Variants in DMD observed in about 807,000 individuals in gnomAD.
DMD encodes the protein dystrophin.
DMD carries 63 observed loss-of-function variants against 330.1 expected under a neutral mutation model. The ratio of observed to expected loss-of-function variants is 0.19; its 90% CI spans 0.16 to 0.24. The LOEUF is 0.24. DMD is among the 10% of genes least tolerant of loss of function. The pLI, the probability that DMD is intolerant of heterozygous loss-of-function variation, is 1.00. For missense variants in DMD, 3,344 were observed against 2,684.1 expected, an observed-to-expected ratio of 1.25 and a Z score of -5.43; for synonymous variants, 1,223 against 959.8, an observed-to-expected ratio of 1.27 and a Z score of -5.07.
intron 55 of DMD, among the ~76,000 whole-genome samples, chrX:31,591,592 G>T (rs945793894): frequency 9.0e-6 from 1 of 111,363 alleles, no homozygotes; most frequent in Non-Finnish European, 1.9e-5. Context: ...TGCCAATTTA[G>T]AAATGTAATA....
At chrX:31,507,133 G>T in intron 56 of DMD, 148 bp downstream of exon 56, 2 of 577,229 alleles carry the variant, frequency 3.5e-6, no homozygotes, top group Non-Finnish European at 5.8e-6. Flanking sequence ...GCAAATAAAT[G>T]ATTCATTTAT....
At chrX:31,991,993 G>C (rs1675329782) in intron 44 of DMD, among the ~76,000 whole-genome samples, 1 of 111,753 alleles carries the variant, frequency 8.9e-6, no homozygotes, top group South Asian at 3.7e-4. Flanking sequence ...GAAAACCGAT[G>C]CATGATACAA....
intron 60 of DMD, among the ~76,000 whole-genome samples, chrX:31,352,220 T>C (rs2148520121): frequency 9.4e-6 from 1 of 106,606 alleles, no homozygotes; most frequent in Admixed American, 9.8e-5. Flanking sequence ...TACCATAAGA[T>C]TATAGAGAAA....
intron 77 of DMD, among the ~76,000 whole-genome samples, chrX:31,131,504 G>C (rs184396793): frequency 2.7e-5 from 3 of 111,525 alleles, no homozygotes; most frequent in Non-Finnish European, 5.7e-5. Flanking sequence ...GATGTAAAAT[G>C]TTCCTCTGAT....
chrX:31,454,981 T>G (rs1245598044), intron 59 of DMD, among the ~76,000 whole-genome samples: 3 of 95,133 alleles, frequency 3.2e-5, no homozygotes, highest in Non-Finnish European at 6.2e-5. Context: ...CGAGATGGGA[T>G]CTCTCTATGT....
At chrX:31,330,498 T>C (rs1176255577) in intron 61 of DMD, among the ~76,000 whole-genome samples, 1 of 110,078 alleles carries the variant, frequency 9.1e-6, no homozygotes, top group Non-Finnish European at 1.9e-5. Flanking sequence ...AAGGAGGGAG[T>C]AGACGGAGGG....
chrX:32,690,070 CA>C (rs749874858), intron 9 of DMD, among the ~76,000 whole-genome samples: 9,971 of 91,880 alleles, frequency 0.11, 1,190 homozygotes, highest in African/African-American at 0.34. Context: ...AATAATTAGG[CA>C]AAAAAAAAAA....
intron 55 of DMD, among the ~76,000 whole-genome samples, chrX:31,621,817 T>G (rs1238412800): frequency 3.6e-5 from 4 of 111,917 alleles, no homozygotes; most frequent in Non-Finnish European, 7.5e-5. Context: ...CCAGCCAAGT[T>G]CCTTCAGATT....
chrX:32,955,191 G>A (rs780213051), intron 2 of DMD, among the ~76,000 whole-genome samples: 2 of 111,391 alleles, frequency 1.8e-5, no homozygotes, highest in Admixed American at 9.5e-5. Flanking sequence ...CCCCACAACC[G>A]TGCTAGCATC....
At position 32,380,477 on chromosome X, in the gene DMD, G is replaced by A. The variant is rs1294722774; in HGVS notation, c.4845+33C>T. 2.5e-6 allele frequency: 3 copies of A among 1,184,373 alleles called. No homozygotes were observed. In the African/African-American group the frequency reaches 5.3e-5, roughly 21 times the overall value. ...AATCATATTATGTGTTTTCACGTATGTTCAAAATAACCTTCAGTGATATAG... is the reference window on the plus strand; with the variant it reads ...AATCATATTATGTGTTTTCACGTATATTCAAAATAACCTTCAGTGATATAG... On this transcript the variant is annotated intron_variant, in intron 34 of 78. Transcript: ENST00000357033.
chrX:33,309,092 A>C (rs1216307763), intron 1 of DMD, among the ~76,000 whole-genome samples: 1 of 111,593 alleles, frequency 9.0e-6, no homozygotes, highest in Non-Finnish European at 1.9e-5. Context: ...CTAACAGTAC[A>C]TAACAGAGCC....
At chrX:32,012,041 C>T (rs1210863778) in intron 44 of DMD, among the ~76,000 whole-genome samples, 2 of 112,231 alleles carry the variant, frequency 1.8e-5, no homozygotes, top group Non-Finnish European at 1.9e-5. Context: ...GTCCTTTCAA[C>T]TTTCATTATC....
At chrX:33,114,344 A>G (rs1380594174) in intron 1 of DMD, among the ~76,000 whole-genome samples, 2 of 110,257 alleles carry the variant, frequency 1.8e-5, no homozygotes, top group African/African-American at 6.6e-5. Flanking sequence ...TCCTGACCTC[A>G]GGTGATCCGC....
At chrX:31,936,229 A>T (rs1258465945) in intron 45 of DMD, among the ~76,000 whole-genome samples, 1 of 111,360 alleles carries the variant, frequency 9.0e-6, no homozygotes, top group Non-Finnish European at 1.9e-5. Context: ...ATACATTTTG[A>T]ATCATGTATC....
At chrX:31,852,615 T>C (rs1226933256) in intron 48 of DMD, among the ~76,000 whole-genome samples, 2 of 111,489 alleles carry the variant, frequency 1.8e-5, no homozygotes, top group African/African-American at 3.3e-5. Context: ...AAGAAAAAAG[T>C]TGGCCAACAC....
At chrX:32,884,528 A>G (rs1237393283) in intron 2 of DMD, among the ~76,000 whole-genome samples, 1 of 111,735 alleles carries the variant, frequency 8.9e-6, no homozygotes, top group Non-Finnish European at 1.9e-5. Context: ...TTTTAAACCA[A>G]TGGAGAGTCT....
At chrX:32,906,824 A>T (rs5927110) in intron 2 of DMD, among the ~76,000 whole-genome samples, 1 of 110,025 alleles carries the variant, frequency 9.1e-6, no homozygotes, top group Non-Finnish European at 1.9e-5. Context: ...GAAGTGTCAA[A>T]GTTGAGAGGG....
At chrX:32,623,592 A>G (rs1311940529) in intron 11 of DMD, among the ~76,000 whole-genome samples, 1 of 107,170 alleles carries the variant, frequency 9.3e-6, no homozygotes, top group Non-Finnish European at 1.9e-5. Flanking sequence ...CAGTGACACA[A>G]TCATAACTCA....
intron 44 of DMD, among the ~76,000 whole-genome samples, chrX:32,144,972 T>A (rs943710169): frequency 9.0e-6 from 1 of 111,467 alleles, no homozygotes; most frequent in Non-Finnish European, 1.9e-5. Context: ...TGGTAGAGGT[T>A]GTGGTGAGCC....
Sources: allele counts gnomAD v4.1 joint callset (sites outside exome capture counted in the v4.1 genomes callset), GRCh38; gene constraint gnomAD v4.1.1; transcripts MANE v1.5; gene names NCBI Gene and HGNC (gene_info 2026-07-23, HGNC 2026-07-21).